COQ4: variants seen among roughly 807,000 people sequenced by gnomAD.
COQ4 encodes the protein ubiquinone biosynthesis protein COQ4 homolog, mitochondrial.
Under a neutral mutation model 30.2 loss-of-function variants are expected in COQ4, and 36 were observed. That is an observed-to-expected ratio of 1.19 (90% CI 0.91 to 1.57). The LOEUF (loss-of-function observed/expected upper bound fraction) is 1.57, where lower values mean the gene tolerates loss of function less well. Ranked by LOEUF, COQ4 falls within the 40% of genes most tolerant of loss-of-function variation. The pLI is 0.00. For missense variants in COQ4, 369 were observed against 371.9 expected, an observed-to-expected ratio of 0.99 and a Z score of 0.07; for synonymous variants, 197 against 161.0, an observed-to-expected ratio of 1.22 and a Z score of -1.69.
At position 128,333,682 on chromosome 9, in the gene COQ4, T is replaced by C; in HGVS notation, c.*37T>C. On this transcript the variant is annotated 3_prime_UTR_variant, in exon 7 of 7. Transcript: ENST00000300452. ...AGCGGGGCCTGGCCTACCTCCCCCA[T>C]CCCCTGCTTCCCTTGGAGGCAGAGG... 6.8e-7 allele frequency: 1 copy of C among 1,478,810 alleles called. No homozygotes were observed. Among genetic ancestry groups the C allele is most frequent in the Non-Finnish European group, 8.9e-7 (1 of 1,119,026 alleles). The allele number at this position is 1,478,810 out of a possible 1,614,324, so 91.6% of individuals were successfully genotyped here.
chr9:128,330,647 C>A (rs2131231973), intron 4 of COQ4: 1 of 151,914 alleles, frequency 6.6e-6, no homozygotes, highest in African/African-American at 2.4e-5. Context: ...GCACCCGCCA[C>A]CATGCCTGGC....
intron 4 of COQ4, among the ~76,000 whole-genome samples, chr9:128,330,236 A>G (rs1317913473): frequency 1.3e-5 from 2 of 150,994 alleles, no homozygotes; most frequent in African/African-American, 4.9e-5. Context: ...AGCCGGGTGT[A>G]GTGGCACGTG....
Position 128,323,161 on chromosome 9 carries a change from C to T in COQ4, c.202+14C>T, listed in dbSNP as rs746272940. The T allele has an allele frequency of 2.0e-5, 32 of 1,573,914 alleles. No homozygotes were observed. Among genetic ancestry groups the T allele is most frequent in the Non-Finnish European group, 2.4e-5 (28 of 1,165,656 alleles). On this transcript the variant is annotated intron_variant, in intron 2 of 6. Transcript: ENST00000300452. ...CCTACCGCCACGGTAAGGCCGCCCG[C>T]GCCTCGCCCCCGTGGGGGCGGCTTG... is the stretch of plus-strand genomic sequence containing the variant.
Position 128,332,586 on chromosome 9 carries a change from T to G in COQ4, c.533-264T>G, listed in dbSNP as rs1268368623. The G allele has an allele frequency of 8.6e-6, 5 of 580,214 alleles. No individual in the cohort carries two copies. The East Asian group carries it at 1.4e-4, about 17-fold the overall frequency. 35.9% of individuals were successfully genotyped at this position (580,214 alleles called of 1,614,324 possible). ...AAGGCCTGCAGGAACCATCCTGGAG[T>G]GTTTAGCCTGGCTTATGGGGTCATG... On this transcript the variant is annotated intron_variant, in intron 5 of 6. Transcript: ENST00000300452.
At position 128,322,867 on chromosome 9, in the gene COQ4, T is replaced by G; in HGVS notation, c.9T>G (p.Thr3=). The G allele has an allele frequency of 1.3e-6, 2 of 1,571,024 alleles. No individual in the cohort carries two copies. The highest frequency in any genetic ancestry group is 1.7e-6 in the Non-Finnish European group (2 of 1,162,248). ...CGCGGACGCCCGCTGCCATGGCGAC[T>G]CTGCTGCGCCCTGTCCTCCGTCGGC... is the stretch of plus-strand genomic sequence containing the variant. MA[T]LLRPVLRRLC... Residue 3 remains threonine, a synonymous_variant, in exon 1 of 7, where the codon ACT becomes ACG. Transcript: ENST00000300452.
Position 128,323,009 on chromosome 9 carries a change from C to G in COQ4, c.71-7C>G. The stretch of plus-strand genomic sequence containing the variant: ...CCTCTGACCTCGGCCTTTTTCTTGC[C>G]CCGCAGAAATGCCCCTCCGGGCTAG... On this transcript the variant is annotated splice_region_variant and splice_polypyrimidine_tract_variant and intron_variant, in intron 1 of 6. Coordinates refer to ENST00000300452, the MANE Select transcript of COQ4 (RefSeq NM_016035.5). The G allele has an allele frequency of 1.9e-6, 3 of 1,611,360 alleles. No homozygotes were observed. Among genetic ancestry groups the G allele is most frequent in the Non-Finnish European group, 2.5e-6 (3 of 1,179,764 alleles).
chr9:128,322,932 A>G lies in COQ4; in HGVS notation c.70+4A>G. On this transcript the variant is annotated splice_donor_region_variant and intron_variant, in intron 1 of 6. Coordinates refer to ENST00000300452, the MANE Select transcript of COQ4 (RefSeq NM_016035.5). ...GGCCTACAGCGGCCTGCGGCAGGCA[A>G]GTGGCGCCGGGTTCTGGGCGCAGGC... 6.2e-7 allele frequency: 1 copy of G among 1,601,972 alleles called. No homozygotes were observed. The highest frequency in any genetic ancestry group is 8.5e-7 in the Non-Finnish European group (1 of 1,178,116).
chr9:128,332,280 T>G lies in COQ4; in HGVS notation c.530T>G (p.Leu177Arg). 1 of 1,612,380 alleles carries G rather than the reference T, an allele frequency of 6.2e-7. No individual in the cohort carries two copies. Among genetic ancestry groups the G allele is most frequent in the Non-Finnish European group, 8.5e-7 (1 of 1,179,788 alleles). The change falls in exon 5 of 7, where the codon CTG becomes CGG. Residue 177 changes from leucine (L) to arginine (R), a missense_variant and splice_region_variant. Transcript: ENST00000300452. ...HTLLGMPTNI[L>R]GEIVVKWFEA... is the part of the protein sequence containing the mutation. ...CTGCTGGGGATGCCCACCAACATCC[T>G]GGGTGAGTGCCCCCAACCCTGATGG...
chr9:128,325,667 T>G (rs1277909801), intron 3 of COQ4, 112 bp from the exon 4 acceptor site: 1 of 803,254 alleles, frequency 1.2e-6, no homozygotes, highest in African/African-American at 1.7e-5. Context: ...CATTAAGGCT[T>G]GTGGTGGCCA....
chr9:128,325,938 C>T (rs769933028), intron 4 of COQ4, 57 bp downstream of exon 4: 1 of 1,425,246 alleles, frequency 7.0e-7, no homozygotes, highest in Non-Finnish European at 9.9e-7. Flanking sequence ...AGGAATAGCA[C>T]AGGCATGACA....
In COQ4 at chr9:128,333,701, G is replaced by A; in HGVS notation, c.*56G>A. The A allele has an allele frequency of 7.1e-7, 1 of 1,407,868 alleles. No homozygotes were observed. The highest frequency in any genetic ancestry group is 9.4e-7 in the Non-Finnish European group (1 of 1,064,940). 87.2% of individuals were successfully genotyped at this position (1,407,868 alleles called of 1,614,324 possible). ...CCCCCATCCCCTGCTTCCCTTGGAG[G>A]CAGAGGGCTCCCTTGACTACCTTTG... On this transcript the variant is annotated 3_prime_UTR_variant, in exon 7 of 7. Transcript: ENST00000300452.
At position 128,323,012 on chromosome 9, in the gene COQ4, G is replaced by T. The variant is rs763550077; in HGVS notation, c.71-4G>T. On this transcript the variant is annotated splice_region_variant and splice_polypyrimidine_tract_variant and intron_variant, in intron 1 of 6. Transcript: ENST00000300452. The stretch of plus-strand genomic sequence containing the variant: ...CTGACCTCGGCCTTTTTCTTGCCCC[G>T]CAGAAATGCCCCTCCGGGCTAGGAG... The T allele has an allele frequency of 1.2e-6, 2 of 1,611,280 alleles. No homozygotes were observed. Among genetic ancestry groups the T allele is most frequent in the Non-Finnish European group, 1.7e-6 (2 of 1,179,748 alleles).
At chr9:128,325,650 G>T in intron 3 of COQ4, 129 bp from the exon 4 acceptor site, 1 of 701,654 alleles carries the variant, frequency 1.4e-6, no homozygotes, top group South Asian at 1.8e-5. Context: ...GCCAGTTGTA[G>T]GTGCTCCATT....
chr9:128,333,362 A>G (rs1832445972), intron 6 of COQ4, 112 bp from the exon 7 acceptor site: 1 of 942,290 alleles, frequency 1.1e-6, no homozygotes, highest in Admixed American at 2.7e-5. Context: ...GATAATAACT[A>G]CCTCCTTCCG....
In COQ4 at chr9:128,332,239, C is replaced by T. The variant is rs372573794; in HGVS notation, c.489C>T (p.His163=). Residue 163 remains histidine, a synonymous_variant, in exon 5 of 7, where the codon CAC becomes CAT. Transcript: ENST00000300452. ...TGATTCAGCGGTACCGGGAGGTGCACGACATGCTTCACACCCTGCTGGGGA... is the reference window on the plus strand; with the variant it reads ...TGATTCAGCGGTACCGGGAGGTGCATGACATGCTTCACACCCTGCTGGGGA... ...AYVIQRYREV[H]DMLHTLLGMP... 3.0e-5 allele frequency: 48 copies of T among 1,613,254 alleles called. No homozygotes were observed. The highest frequency in any genetic ancestry group is 6.7e-5 in the African/African-American group (5 of 74,892).
intron 4 of COQ4, 77 bp downstream of exon 4, chr9:128,325,958 A>G: frequency 7.7e-7 from 1 of 1,300,644 alleles, no homozygotes; most frequent in Non-Finnish European, 1.1e-6. Context: ...ACCCTGAGGA[A>G]AGAGGAGCCC....
At position 128,333,618 on chromosome 9, in the gene COQ4, A is replaced by T. The variant is rs993278939; in HGVS notation, c.771A>T (p.Pro257=). ...GGGAGGAGCTGGGCATTACAGCACC[A>T]CCCATGCACGTCCAGGGCTTGGCCT... ...ALREELGITA[P]PMHVQGLA The change falls in exon 7 of 7, where the codon CCA becomes CCT. Residue 257 remains proline (P), a synonymous_variant. Coordinates refer to ENST00000300452, the MANE Select transcript of COQ4 (RefSeq NM_016035.5). 60 of 1,586,416 alleles carry T rather than the reference A, an allele frequency of 3.8e-5. No individual in the cohort carries two copies. Among genetic ancestry groups the T allele is most frequent in the Admixed American group, 9.0e-5 (5 of 55,328 alleles).
At chr9:128,326,567 C>A (rs1223911409) in intron 4 of COQ4, among the ~76,000 whole-genome samples, 2 of 152,018 alleles carry the variant, frequency 1.3e-5, no homozygotes, top group East Asian at 3.9e-4. Flanking sequence ...CTCAGCCTCC[C>A]GAGTAGCTGG....
intron 2 of COQ4, chr9:128,323,499 C>T (rs752226146): frequency 4.4e-6 from 2 of 449,636 alleles, no homozygotes; most frequent in Admixed American, 4.3e-5. Context: ...CCATGTCTGC[C>T]TCGTTCCACT....
Sources: gnomAD v4.1 joint callset for allele counts (sites outside exome capture counted in the v4.1 genomes callset) on GRCh38, gnomAD v4.1.1 for gene constraint, MANE v1.5 for transcripts, NCBI Gene and HGNC (gene_info 2026-07-23, HGNC 2026-07-21) for gene names.